The following OPCML variants were observed in gnomAD, a reference collection of about 807,000 sequenced individuals.
The protein encoded by OPCML is opioid binding protein/cell adhesion molecule like, also known as opioid-binding protein/cell adhesion molecule.
In OPCML, 13 loss-of-function variants were observed where a neutral mutation model predicts 37.8. The observed-to-expected ratio is 0.34, with a 90% confidence interval of 0.22 to 0.55. The LOEUF (loss-of-function observed/expected upper bound fraction) is 0.55. Among genes scored for constraint, OPCML ranks in the 20% least tolerant of loss-of-function variants. OPCML has a pLI of 0.91. For synonymous variants in OPCML, 176 were observed against 168.8 expected (o/e 1.04, Z -0.33); for missense variants, 341 against 435.6 (o/e 0.78, Z 1.93).
intron 3 of OPCML, among the ~76,000 whole-genome samples, chr11:132,569,956 A>G (rs893460723): frequency 9.9e-5 from 15 of 152,058 alleles, no homozygotes; most frequent in African/African-American, 3.6e-4. Context: ...TCAGTGAAAA[A>G]AAAAAACCGA....
At position 133,282,265 on chromosome 11, in the gene OPCML, C is replaced by G. The variant is rs370005898; in HGVS notation, c.61+249999G>C. The stretch of plus-strand genomic sequence containing the variant: ...GGTTTCAGGAGCCAGGTCCAAGACC[C>G]CACTGTCCTGAGCAATCTCCAGACA... On this transcript the variant is annotated intron_variant, in intron 1 of 7. Transcript: ENST00000524381. Among the ~76,000 whole-genome samples, 19 of 152,262 alleles carry G rather than the reference C, an allele frequency of 1.2e-4. No individual in the cohort carries two copies. The East Asian group carries it at 1.9e-3, about 16-fold the overall frequency.
chr11:133,408,651 C>G (rs187399363), intron 1 of OPCML, among the ~76,000 whole-genome samples: 1 of 152,248 alleles, frequency 6.6e-6, no homozygotes, highest in African/African-American at 2.4e-5. Flanking sequence ...CACCCCCACA[C>G]TCACTCAGAC....
intron 3 of OPCML, among the ~76,000 whole-genome samples, chr11:132,653,326 C>A (rs1238225034): frequency 6.6e-6 from 1 of 152,148 alleles, no homozygotes; most frequent in Non-Finnish European, 1.5e-5. Flanking sequence ...TTCAGGTAGG[C>A]CCACGGTCAC....
intron 4 of OPCML, among the ~76,000 whole-genome samples, chr11:132,494,395 A>G (rs2096224909): frequency 1.3e-5 from 2 of 152,190 alleles, no homozygotes; most frequent in South Asian, 4.1e-4. Flanking sequence ...CTTTGCAAAG[A>G]GTGAGTTCAA....
intron 3 of OPCML, among the ~76,000 whole-genome samples, chr11:132,537,574 T>C (rs529028497): frequency 1.1e-4 from 17 of 152,274 alleles, no homozygotes; most frequent in Non-Finnish European, 2.4e-4. Flanking sequence ...AAAAAATAGA[T>C]AAACCGGACT....
chr11:133,269,378 C>T (rs180967522), intron 1 of OPCML, among the ~76,000 whole-genome samples: 2 of 152,276 alleles, frequency 1.3e-5, no homozygotes, highest in African/African-American at 4.8e-5. Flanking sequence ...CCTCAAAGAA[C>T]CTCAGAGCCA....
At chr11:132,437,847 C>T (rs1195183401) in intron 4 of OPCML, among the ~76,000 whole-genome samples, 1 of 152,288 alleles carries the variant, frequency 6.6e-6, no homozygotes, top group Non-Finnish European at 1.5e-5. Context: ...AATAAGTAAG[C>T]ATTCTACCCT....
chr11:132,783,973 T>G (rs1482107220), intron 2 of OPCML, among the ~76,000 whole-genome samples: 1 of 152,242 alleles, frequency 6.6e-6, no homozygotes, highest in Non-Finnish European at 1.5e-5. Context: ...TTAGCCCTCC[T>G]GATTTAATGA....
At chr11:133,457,101 A>C (rs977175773) in intron 1 of OPCML, among the ~76,000 whole-genome samples, 12 of 152,232 alleles carry the variant, frequency 7.9e-5, no homozygotes, top group Admixed American at 3.9e-4. Flanking sequence ...AGAATCTTGA[A>C]CAGAGCAAAA....
chr11:132,566,171 A>G (rs79193753), intron 3 of OPCML, among the ~76,000 whole-genome samples: 3,283 of 152,376 alleles, frequency 0.022, 169 homozygotes, highest in East Asian at 0.21. Context: ...ATAGAATATT[A>G]TGAAGAATTT....
intron 1 of OPCML, among the ~76,000 whole-genome samples, chr11:133,142,958 T>C (rs1287290044): frequency 1.3e-5 from 2 of 152,164 alleles, no homozygotes; most frequent in Non-Finnish European, 2.9e-5. Context: ...AACCCAGGCA[T>C]GGGCCATGCT....
intron 1 of OPCML, chr11:133,005,902 T>C: frequency 2.0e-6 from 2 of 985,396 alleles, no homozygotes; most frequent in Non-Finnish European, 2.4e-6. Flanking sequence ...CAATCATCCT[T>C]TGGGTTAGCT....
chr11:133,303,442 G>T (rs903140390), intron 1 of OPCML, among the ~76,000 whole-genome samples: 1 of 152,132 alleles, frequency 6.6e-6, no homozygotes, highest in Non-Finnish European at 1.5e-5. Flanking sequence ...AAACTAGAAG[G>T]TTTCATGACT....
intron 1 of OPCML, chr11:133,422,526 G>A: frequency 1.0e-6 from 1 of 976,170 alleles, no homozygotes; most frequent in Non-Finnish European, 1.2e-6. Context: ...TTAGAGACGG[G>A]GTCCTGCTCT....
At chr11:132,638,186 T>TATATATATATAGAGAGAG (rs71067383) in intron 3 of OPCML, among the ~76,000 whole-genome samples, 34 of 131,018 alleles carry the variant, frequency 2.6e-4, no homozygotes, top group African/African-American at 8.9e-4. Context: ...TATATATATA[T>TATATATATATAGAGAGAG]ACAGAGAGAG....
At chr11:133,067,402 A>C (rs1007282412) in intron 1 of OPCML, 1 of 152,152 alleles carries the variant, frequency 6.6e-6, no homozygotes, top group Non-Finnish European at 1.5e-5. Context: ...AGAACAGAGA[A>C]TATTCGCTCT....
intron 2 of OPCML, among the ~76,000 whole-genome samples, chr11:132,673,516 T>C (rs150742253): frequency 6.6e-6 from 1 of 152,120 alleles, no homozygotes; most frequent in African/African-American, 2.4e-5. Flanking sequence ...AGAGACATTA[T>C]TGAGCTCATC....
At chr11:133,128,920 G>A (rs189332896) in intron 1 of OPCML, among the ~76,000 whole-genome samples, 7 of 152,090 alleles carry the variant, frequency 4.6e-5, no homozygotes, top group African/African-American at 1.7e-4. Context: ...GACCAGTTTT[G>A]CCCTCCTACC....
intron 1 of OPCML, among the ~76,000 whole-genome samples, chr11:133,338,534 T>C (rs963579078): frequency 6.6e-6 from 1 of 152,204 alleles, no homozygotes; most frequent in Non-Finnish European, 1.5e-5. Flanking sequence ...TGCCCACCAC[T>C]GGCCCTTCCG....
Sources: gnomAD v4.1 joint callset for allele counts (sites outside exome capture counted in the v4.1 genomes callset) on GRCh38, gnomAD v4.1.1 for gene constraint, MANE v1.5 for transcripts, NCBI Gene and HGNC (gene_info 2026-07-23, HGNC 2026-07-21) for gene names.